The following INPP5D variants were observed in gnomAD, a reference collection of about 807,000 sequenced individuals.
INPP5D encodes inositol polyphosphate-5-phosphatase D.
A neutral mutation model predicts 122.9 loss-of-function variants in INPP5D; 33 were observed. The observed-to-expected ratio is 0.27, with a 90% confidence interval of 0.20 to 0.36. The LOEUF (loss-of-function observed/expected upper bound fraction) is 0.36. Among genes scored for constraint, INPP5D ranks in the 10% least tolerant of loss-of-function variants. INPP5D has a pLI of 1.00. For synonymous variants in INPP5D, 584 were observed against 576.2 expected (o/e 1.01, Z -0.19); for missense variants, 1,053 against 1,412.7 (o/e 0.75, Z 4.08).
chr2:233,129,101 G>A (rs893431676), intron 4 of INPP5D, among the ~76,000 whole-genome samples: 2 of 152,060 alleles, frequency 1.3e-5, no homozygotes, highest in African/African-American at 2.4e-5. Context: ...GGGGGTTGGA[G>A]GTTGCAGTGA....
chr2:233,149,620 C>T (rs1458477170), intron 9 of INPP5D, among the ~76,000 whole-genome samples: 1 of 152,152 alleles, frequency 6.6e-6, no homozygotes, highest in Non-Finnish European at 1.5e-5. Context: ...CAAATTCCTT[C>T]AGCTGAAAAT....
At chr2:233,152,861 G>T (rs1376860085) in intron 9 of INPP5D, among the ~76,000 whole-genome samples, 1 of 109,742 alleles carries the variant, frequency 9.1e-6, no homozygotes, top group African/African-American at 3.9e-5. Flanking sequence ...GAGGTTTTCA[G>T]CTGGGGGGGG....
chr2:233,131,418 C>T (rs1017452598), intron 5 of INPP5D, among the ~76,000 whole-genome samples: 1 of 151,922 alleles, frequency 6.6e-6, no homozygotes, highest in African/African-American at 2.4e-5. Context: ...AAGGTCAGGC[C>T]GGGTGTGGTG....
chr2:233,130,464 A>G lies in INPP5D; in HGVS notation c.525-44A>G, dbSNP rs1297336591. ...TGTTCCCATTGGTGATGGTGGCTAA[A>G]AGAAACAGGCAAGCATAGTTTGTTT... On this transcript the variant is annotated intron_variant, in intron 4 of 26. Transcript: ENST00000445964. 3 of 1,601,250 alleles carry G rather than the reference A, an allele frequency of 1.9e-6. No individual in the cohort carries two copies. The East Asian group carries it at 6.7e-5, about 36-fold the overall frequency.
intron 26 of INPP5D, among the ~76,000 whole-genome samples, chr2:233,205,839 G>A (rs1302442724): frequency 6.6e-6 from 1 of 152,080 alleles, no homozygotes; most frequent in East Asian, 1.9e-4. Flanking sequence ...AGCATTTTGG[G>A]AGGCCGAGGT....
chr2:233,139,466 C>CTG (rs1191977468), intron 5 of INPP5D, among the ~76,000 whole-genome samples: 12,768 of 147,400 alleles, frequency 0.087, 729 homozygotes, highest in East Asian at 0.25. Context: ...TTGTTAACAC[C>CTG]TGTGTGTGTG....
intron 5 of INPP5D, chr2:233,134,263 C>G: frequency 6.9e-6 from 2 of 290,952 alleles, no homozygotes; most frequent in South Asian, 2.9e-5. Context: ...TGCTAAGAAG[C>G]TAGGATGTGG....
At chr2:233,065,454 C>T (rs564466036) in intron 1 of INPP5D, among the ~76,000 whole-genome samples, 1 of 134,614 alleles carries the variant, frequency 7.4e-6, no homozygotes, top group African/African-American at 2.9e-5. Flanking sequence ...ATTACAGGTG[C>T]CTGCCACCAC....
chr2:233,106,814 C>T (rs1341776851), intron 2 of INPP5D, among the ~76,000 whole-genome samples: 3 of 152,190 alleles, frequency 2.0e-5, no homozygotes, highest in Non-Finnish European at 4.4e-5. Context: ...GTTCCACCAT[C>T]CAAATACCCA....
At chr2:233,116,298 G>GATATAGATATAGATATAGAT (rs1296444300) in intron 2 of INPP5D, among the ~76,000 whole-genome samples, 1 of 137,364 alleles carries the variant, frequency 7.3e-6, no homozygotes, top group African/African-American at 3.4e-5. Flanking sequence ...TAGATATATA[G>GATATAGATATAGATATAGAT]ATACTTTTTG....
Position 233,170,318 on chromosome 2 carries a change from C to T in INPP5D, c.1791+154C>T, listed in dbSNP as rs1694459818. 4.7e-6 allele frequency: 7 copies of T among 1,481,742 alleles called. No homozygotes were observed. In the Admixed American group the frequency reaches 1.6e-4, roughly 33 times the overall value. 91.8% of individuals were successfully genotyped at this position (1,481,742 alleles called of 1,614,324 possible). ...CTCAACGCTGTTTCCATTACTGAGC[C>T]TCAGCCGCTCCTCACGGTTCCCCTG... On this transcript the variant is annotated intron_variant, in intron 15 of 26. Transcript: ENST00000445964. This position sits in a 1 kb window ranked among gnomAD's most constrained non-coding sequence, Gnocchi z 4.5.
chr2:233,121,122 T>TTTCTTTC (rs1491340717), intron 2 of INPP5D, among the ~76,000 whole-genome samples: 1 of 64,484 alleles, frequency 1.6e-5, no homozygotes, highest in African/African-American at 7.4e-5. Context: ...TCTTTCTTTC[T>TTTCTTTC]TTTTTTTTTT....
intron 25 of INPP5D, among the ~76,000 whole-genome samples, chr2:233,203,420 T>TG (rs1695392338): frequency 6.6e-6 from 1 of 152,188 alleles, no homozygotes; most frequent in South Asian, 2.1e-4. Context: ...AATCCTCCAG[T>TG]GCCATGCCCC....
At chr2:233,166,494 G>A (rs1422080147) in intron 13 of INPP5D, among the ~76,000 whole-genome samples, 4 of 152,180 alleles carry the variant, frequency 2.6e-5, no homozygotes, top group Admixed American at 6.5e-5. Flanking sequence ...AGGGCAGTGC[G>A]ACTGGCATCT....
At chr2:233,163,430 G>A (rs1212205070) in intron 11 of INPP5D, among the ~76,000 whole-genome samples, 2 of 152,278 alleles carry the variant, frequency 1.3e-5, no homozygotes, top group South Asian at 4.1e-4. Flanking sequence ...GCCTCAAAGT[G>A]CAGGACAGTG....
chr2:233,207,640 C>T lies in INPP5D; in HGVS notation c.*932C>T, dbSNP rs957748891. ...GCTCCCGAAAGCCGTGCTCTCCAGC[C>T]TGGCTGCCAGGGAGGGTGGGCCTCT... On this transcript the variant is annotated 3_prime_UTR_variant, in exon 27 of 27. Coordinates refer to ENST00000445964, the MANE Select transcript of INPP5D (RefSeq NM_001017915.3). The surrounding 1 kb of genome is among the most constrained non-coding windows in gnomAD (Gnocchi z 4.6). 4 of 152,514 alleles carry T rather than the reference C, an allele frequency of 2.6e-5. 1 individual carries two copies. The highest frequency in any genetic ancestry group is 6.5e-5 in the Admixed American group (1 of 15,308). The allele number at this position is 152,514 out of a possible 1,614,324, so 9.4% of individuals were successfully genotyped here.
At chr2:233,081,275 C>T (rs1347826232) in intron 2 of INPP5D, among the ~76,000 whole-genome samples, 1 of 152,158 alleles carries the variant, frequency 6.6e-6, no homozygotes, top group African/African-American at 2.4e-5. Context: ...TCAATGACCT[C>T]TACCATTTTT....
At chr2:233,094,102 C>A (rs150980514) in intron 2 of INPP5D, among the ~76,000 whole-genome samples, 5 of 151,664 alleles carry the variant, frequency 3.3e-5, no homozygotes, top group South Asian at 2.1e-4. Context: ...CCCTCCCCCC[C>A]CAAAAAAGAG....
In INPP5D at chr2:233,188,212, G is replaced by A. The variant is rs80143879; in HGVS notation, c.2359-1638G>A. The stretch of plus-strand genomic sequence containing the variant: ...ATCTGCTGTTCCCACAGGACTGCAG[G>A]GGCCTTCACCGTCTCCTGCTCCCTG... On this transcript the variant is annotated intron_variant, in intron 21 of 26. Transcript: ENST00000445964. This position sits in a 1 kb window ranked among gnomAD's most constrained non-coding sequence, Gnocchi z 4.7. 0.08 allele frequency among the ~76,000 whole-genome samples: 12,221 copies of A among 151,964 alleles called. 832 individuals carry two copies. The highest frequency in any genetic ancestry group is 0.32 in the East Asian group (1,624 of 5,126).
Sources: allele counts gnomAD v4.1 joint callset (sites outside exome capture counted in the v4.1 genomes callset), GRCh38; gene constraint gnomAD v4.1.1; non-coding constraint Gnocchi (gnomAD v3.1); transcripts MANE v1.5; gene names NCBI Gene and HGNC (gene_info 2026-07-23, HGNC 2026-07-21).